NRBF2: variants seen among roughly 807,000 people sequenced by gnomAD.
The protein encoded by NRBF2 is nuclear receptor binding factor 2.
NRBF2 carries 12 observed loss-of-function variants against 28.5 expected under a neutral mutation model. The observed-to-expected ratio is 0.42, with a 90% CI of 0.27 to 0.68. The LOEUF is 0.68. NRBF2 is among the 30% of genes least tolerant of loss of function. NRBF2 has a pLI of 0.24. For missense variants in NRBF2, 274 were observed against 333.5 expected (o/e 0.82, Z 1.39); for synonymous variants, 102 against 116.5 (o/e 0.88, Z 0.80).
chr10:63,133,458 T>C lies in NRBF2; in HGVS notation c.-13T>C. 6.2e-7 allele frequency: 1 copy of C among 1,611,858 alleles called. No individual in the cohort carries two copies. The highest frequency in any genetic ancestry group is 1.3e-5 in the African/African-American group (1 of 74,784). On this transcript the variant is annotated 5_prime_UTR_variant, in exon 1 of 4. Coordinates refer to ENST00000277746, the MANE Select transcript of NRBF2 (RefSeq NM_030759.5). ...TACTCCCCTTCCTAAGGCCGCCGCTTACCCCGGGGTCTATGGAAGTAATGG... is the reference window on the plus strand; with the variant it reads ...TACTCCCCTTCCTAAGGCCGCCGCTCACCCCGGGGTCTATGGAAGTAATGG...
At chr10:63,149,067 G>C (rs138534244) in intron 2 of NRBF2, among the ~76,000 whole-genome samples, 1 of 152,188 alleles carries the variant, frequency 6.6e-6, no homozygotes, top group Non-Finnish European at 1.5e-5. Flanking sequence ...CTTTGTATGC[G>C]TTGGGACCAG....
intron 1 of NRBF2, among the ~76,000 whole-genome samples, chr10:63,139,621 G>A (rs896082704): frequency 2.6e-5 from 4 of 152,142 alleles, no homozygotes; most frequent in Admixed American, 1.3e-4. Flanking sequence ...AATGTAGCTT[G>A]GTTTATGACC....
Position 63,154,436 on chromosome 10 carries a change from G to T in NRBF2, c.*218G>T. The T allele has an allele frequency of 4.7e-6, 2 of 426,062 alleles. No homozygotes were observed. Among genetic ancestry groups the T allele is most frequent in the South Asian group, 9.3e-5 (2 of 21,542 alleles). 26.4% of individuals were successfully genotyped at this position (426,062 alleles called of 1,614,324 possible). Reference sequence around the variant, plus strand: ...CACTTCAGCTAATGATTCCGACTTGGCAGACGCTAAACTCATGGAGGTTCG... The same window carrying T: ...CACTTCAGCTAATGATTCCGACTTGTCAGACGCTAAACTCATGGAGGTTCG... On this transcript the variant is annotated 3_prime_UTR_variant, in exon 4 of 4. Coordinates refer to ENST00000277746, the MANE Select transcript of NRBF2 (RefSeq NM_030759.5).
chr10:63,145,726 A>G (rs1841550671), intron 1 of NRBF2, among the ~76,000 whole-genome samples: 1 of 152,244 alleles, frequency 6.6e-6, no homozygotes, highest in South Asian at 2.1e-4. Context: ...AACAAATAGT[A>G]ACTTTAATGT....
intron 1 of NRBF2, among the ~76,000 whole-genome samples, chr10:63,135,831 G>A (rs2132674776): frequency 1.3e-5 from 2 of 152,138 alleles, no homozygotes; most frequent in East Asian, 3.9e-4. Context: ...ATTTTTAGTA[G>A]AGACGGGGTT....
chr10:63,154,316 C>T lies in NRBF2; in HGVS notation c.*98C>T. On this transcript the variant is annotated 3_prime_UTR_variant, in exon 4 of 4. Coordinates refer to ENST00000277746, the MANE Select transcript of NRBF2 (RefSeq NM_030759.5). ...AGGGAAAACCACATAGAAGGGTAAT[C>T]CCGGAAATGCTTCATCTGGTGGACT... The T allele has an allele frequency of 1.3e-6, 1 of 798,700 alleles. No individual in the cohort carries two copies. Among genetic ancestry groups the T allele is most frequent in the Non-Finnish European group, 2.0e-6 (1 of 504,724 alleles). The allele number at this position is 798,700 out of a possible 1,614,324, so 49.5% of individuals were successfully genotyped here. A position where few individuals can be genotyped will look rare whatever the true frequency, so the allele number is the denominator to read the frequency against.
chr10:63,141,305 G>C (rs1459839482), intron 1 of NRBF2, among the ~76,000 whole-genome samples: 1 of 152,062 alleles, frequency 6.6e-6, no homozygotes, highest in African/African-American at 2.4e-5. Flanking sequence ...ATGTGGTGCC[G>C]TGTGACTGTA....
intron 2 of NRBF2, among the ~76,000 whole-genome samples, chr10:63,146,874 A>G (rs1841569795): frequency 6.6e-6 from 1 of 152,118 alleles, no homozygotes; most frequent in Admixed American, 6.5e-5. Context: ...GCTTCTTATC[A>G]AAGACCTAAT....
rs574787028 is a variant in NRBF2, at chr10:63,146,252, G to A, written c.74G>A (p.Gly25Asp). The part of the protein sequence containing the change: ...SRRADRLLAA[G>D]KYEEAISCHK... ...CGAGCAGACCGTTTATTAGCTGCAG[G>A]CAAATACGAAGAGGCTATTTCTTGT... Residue 25 changes from glycine (G) to aspartate (D), a missense_variant, in exon 2 of 4, where the codon GGC (glycine) becomes GAC (aspartate). Coordinates refer to ENST00000277746, the MANE Select transcript of NRBF2 (RefSeq NM_030759.5). 1 of 1,612,556 alleles carries A rather than the reference G, an allele frequency of 6.2e-7. No individual in the cohort carries two copies. The highest frequency in any genetic ancestry group is 1.1e-5 in the South Asian group (1 of 90,922).
intron 1 of NRBF2, 63 bp downstream of exon 1, chr10:63,133,563 T>C: frequency 7.7e-7 from 1 of 1,292,136 alleles, no homozygotes; most frequent in Non-Finnish European, 1.1e-6. Flanking sequence ...CCCGGCCCCG[T>C]CCCCGGCGCG....
intron 1 of NRBF2, among the ~76,000 whole-genome samples, chr10:63,133,828 G>T (rs974736633): frequency 6.6e-6 from 1 of 152,238 alleles, no homozygotes. Context: ...CCTCCCTACA[G>T]CCTGGAGAGG....
intron 1 of NRBF2, among the ~76,000 whole-genome samples, chr10:63,142,667 G>A (rs995646931): frequency 1.3e-5 from 2 of 151,710 alleles, no homozygotes; most frequent in African/African-American, 2.4e-5. Context: ...ATAATTTGTG[G>A]GTACTAGAAA....
intron 3 of NRBF2, among the ~76,000 whole-genome samples, chr10:63,153,274 CTAATTT>C (rs1841677470): frequency 6.6e-6 from 1 of 152,118 alleles, no homozygotes; most frequent in African/African-American, 2.4e-5. Context: ...GGAAAGATTT[CTAATTT>C]TGAGTACAAA....
At chr10:63,143,749 A>AATTTTTTTT (rs1841512905) in intron 1 of NRBF2, among the ~76,000 whole-genome samples, 1 of 115,990 alleles carries the variant, frequency 8.6e-6, no homozygotes, top group Non-Finnish European at 1.8e-5. Context: ...ACCATGCCCG[A>AATTTTTTTT]TTTTTTTTTT....
At position 63,146,300 on chromosome 10, in the gene NRBF2, A is replaced by G. The variant is rs746860263; in HGVS notation, c.115+7A>G. The stretch of plus-strand genomic sequence containing the variant: ...TGTCACAAAAAGGCTGCAGGTGAGT[A>G]TTCTTATTAAGTACTCAGTGTAAAA... On this transcript the variant is annotated splice_region_variant and intron_variant, in intron 2 of 3. Coordinates refer to ENST00000277746, the MANE Select transcript of NRBF2 (RefSeq NM_030759.5). 3 of 1,597,958 alleles carry G rather than the reference A, an allele frequency of 1.9e-6. No homozygotes were observed. Among genetic ancestry groups the G allele is most frequent in the Non-Finnish European group, 2.6e-6 (3 of 1,169,316 alleles).
At chr10:63,141,428 C>G (rs1403540013) in intron 1 of NRBF2, among the ~76,000 whole-genome samples, 14 of 152,122 alleles carry the variant, frequency 9.2e-5, no homozygotes. Context: ...AGAGCAAAAC[C>G]CTGTCTCAAA....
rs866751559 is a variant in NRBF2 at position 63,143,056 on chromosome 10, C to T, written c.31-3153C>T. Among the ~76,000 whole-genome samples the T allele has an allele frequency of 1.3e-4, 20 of 152,262 alleles. No individual in the cohort carries two copies. The Middle Eastern group carries it at 0.01, about 78-fold the overall frequency. On this transcript the variant is annotated intron_variant, in intron 1 of 3. Transcript: ENST00000277746. ...TCAGCCTCCCAAAGTGCTGGGATTACAGGCATGAGCCACTGCGCCCAGCCT... is the reference window on the plus strand; with the variant it reads ...TCAGCCTCCCAAAGTGCTGGGATTATAGGCATGAGCCACTGCGCCCAGCCT...
intron 2 of NRBF2, among the ~76,000 whole-genome samples, chr10:63,148,085 A>G (rs1841592148): frequency 6.6e-6 from 1 of 152,338 alleles, no homozygotes; most frequent in Non-Finnish European, 1.5e-5. Flanking sequence ...TTACATATAT[A>G]TAACATATGT....
At chr10:63,150,067 T>C (rs558215120) in intron 2 of NRBF2, among the ~76,000 whole-genome samples, 1 of 151,200 alleles carries the variant, frequency 6.6e-6, no homozygotes, top group Non-Finnish European at 1.5e-5. Flanking sequence ...TCAGCTTCCC[T>C]AGTAGCTGGG....
Sources: gnomAD v4.1 joint callset for allele counts (sites outside exome capture counted in the v4.1 genomes callset) on GRCh38, gnomAD v4.1.1 for gene constraint, MANE v1.5 for transcripts, NCBI Gene and HGNC (gene_info 2026-07-23, HGNC 2026-07-21) for gene names.